ARSF: variants seen among roughly 807,000 people sequenced by gnomAD.
ARSF encodes the protein arylsulfatase F.
In ARSF, 33 loss-of-function variants were observed where a neutral mutation model predicts 35.4. That is an observed-to-expected ratio of 0.93 (90% CI 0.71 to 1.25). The LOEUF is 1.25. Among genes scored for constraint, ARSF ranks in the 50% most tolerant of loss-of-function variants. ARSF has a pLI of 0.00. For synonymous variants in ARSF, 222 were observed against 193.1 expected, an observed-to-expected ratio of 1.15 and a Z score of -1.24; for missense variants, 501 against 480.2, an observed-to-expected ratio of 1.04 and a Z score of -0.40.
At chrX:3,093,221 C>G (rs1033989502) in intron 7 of ARSF, among the ~76,000 whole-genome samples, 7 of 112,468 alleles carry the variant, frequency 6.2e-5, no homozygotes, top group Admixed American at 9.4e-5. Context: ...ATAATGGAGT[C>G]TACTGATAGA....
Position 3,084,672 on chromosome X carries a change from C to T in ARSF, c.830+6C>T, listed in dbSNP as rs764706476. On this transcript the variant is annotated splice_donor_region_variant and intron_variant, in intron 6 of 10. Coordinates refer to ENST00000381127, the MANE Select transcript of ARSF (RefSeq NM_001201539.2). ...GCGATTTCCTTTTTAGAAAGGTAAG[C>T]GGAATAATTACAAATTCATGTAATA... 8.7e-6 allele frequency: 10 copies of T among 1,148,226 alleles called. No individual in the cohort carries two copies. In the South Asian group the frequency reaches 1.1e-4, roughly 12 times the overall value. 94.6% of individuals were successfully genotyped at this position (1,148,226 alleles called of 1,213,427 possible). A position where few individuals can be genotyped will look rare whatever the true frequency, so the allele number is the denominator to read the frequency against.
At chrX:3,040,274 G>A (rs754976463), upstream of ARSF, among the ~76,000 whole-genome samples, 4 of 111,406 alleles carry the variant, frequency 3.6e-5, no homozygotes, top group African/African-American at 6.5e-5. Context: ...GCCCGAACCC[G>A]GAGCTAAGTT....
intron 1 of ARSF, among the ~76,000 whole-genome samples, chrX:3,063,589 T>C (rs1464951928): frequency 1.2e-4 from 13 of 112,015 alleles, no homozygotes; most frequent in African/African-American, 4.2e-4. Flanking sequence ...CTTAAGCTGA[T>C]AAGCAACTTC....
At chrX:3,045,192 G>C (rs2089969666) in intron 1 of ARSF, among the ~76,000 whole-genome samples, 1 of 111,606 alleles carries the variant, frequency 9.0e-6, no homozygotes, top group African/African-American at 3.3e-5. Context: ...TTGACTTTTG[G>C]GTGGCCACGT....
At position 3,076,563 on chromosome X, in the gene ARSF, C is replaced by T. The variant is rs993995696; in HGVS notation, c.177C>T (p.Asp59=). 2.5e-6 allele frequency: 3 copies of T among 1,204,550 alleles called. No homozygotes were observed. Among genetic ancestry groups the T allele is most frequent in the Non-Finnish European group, 3.4e-6 (3 of 893,074 alleles). ...GNDTMRTPHI[D]RLAREGVRLT... The stretch of plus-strand genomic sequence containing the variant: ...CCCCCTTCAGGACGCCTCACATCGA[C>T]CGCCTTGCCAGGGAAGGCGTGCGAC... Residue 59 remains aspartate, a synonymous_variant, in exon 4 of 11, where the codon GAC becomes GAT. Transcript: ENST00000381127.
At chrX:3,099,098 G>A (rs113111697) in intron 7 of ARSF, among the ~76,000 whole-genome samples, 59 of 110,557 alleles carry the variant, frequency 5.3e-4, no homozygotes, top group Middle Eastern at 4.7e-3. Context: ...TTATGCTTCT[G>A]AATATTTGGG....
rs2090415682 is a variant in ARSF, at chrX:3,107,065, T to C, written c.1266-3063T>C. 4.5e-5 allele frequency among the ~76,000 whole-genome samples: 5 copies of C among 112,054 alleles called. No individual in the cohort carries two copies. In the South Asian group the frequency reaches 1.8e-3, roughly 41 times the overall value. On this transcript the variant is annotated intron_variant, in intron 9 of 10. Coordinates refer to ENST00000381127, the MANE Select transcript of ARSF (RefSeq NM_001201539.2). ...TAATACAATGTATGTAAATGCCACA[T>C]AAAATAGTTGTTATATTGTACCCTT...
intron 1 of ARSF, among the ~76,000 whole-genome samples, chrX:3,061,714 C>G (rs997123112): frequency 9.0e-6 from 1 of 111,602 alleles, no homozygotes; most frequent in Non-Finnish European, 1.9e-5. Context: ...AAGGCCGTTA[C>G]ATAATGGTAA....
chrX:3,099,635 GT>G (rs2090362349), intron 7 of ARSF, among the ~76,000 whole-genome samples: 1 of 111,401 alleles, frequency 9.0e-6, no homozygotes, highest in Non-Finnish European at 1.9e-5. Flanking sequence ...ATTAAATGGT[GT>G]CTTCCAGTTT....
chrX:3,090,740 C>T (rs934443567), intron 7 of ARSF, among the ~76,000 whole-genome samples: 9 of 111,831 alleles, frequency 8.0e-5, no homozygotes, highest in Non-Finnish European at 1.3e-4. Context: ...TGTCCACCAC[C>T]GGCATCTATG....
chrX:3,047,453 T>A (rs1469212370), intron 1 of ARSF, among the ~76,000 whole-genome samples: 1 of 99,608 alleles, frequency 1.0e-5, no homozygotes, highest in African/African-American at 3.7e-5. Flanking sequence ...GTGCTGGGAT[T>A]ACAGGCGTGA....
chrX:3,074,327 AAAT>A (rs2090131135), intron 3 of ARSF, among the ~76,000 whole-genome samples: 1 of 111,431 alleles, frequency 9.0e-6, no homozygotes, highest in South Asian at 3.8e-4. Context: ...TTTGCAAAAT[AAAT>A]AATGTTTTAA....
At chrX:3,105,472 A>G (rs2090405519) in intron 9 of ARSF, among the ~76,000 whole-genome samples, 1 of 111,724 alleles carries the variant, frequency 9.0e-6, no homozygotes, top group Non-Finnish European at 1.9e-5. Context: ...ATTTTTATTT[A>G]TTTTATTTTT....
intron 1 of ARSF, among the ~76,000 whole-genome samples, chrX:3,050,610 C>A (rs958895169): frequency 9.1e-6 from 1 of 109,585 alleles, no homozygotes; most frequent in African/African-American, 3.3e-5. Flanking sequence ...TGGAAGATGG[C>A]CAAGTAGCTG....
At chrX:3,111,238 A>G (rs1233295766) in intron 10 of ARSF, among the ~76,000 whole-genome samples, 1 of 111,465 alleles carries the variant, frequency 9.0e-6, no homozygotes, top group East Asian at 2.8e-4. Flanking sequence ...TTCATTTATA[A>G]AAATCAATTC....
At chrX:3,067,511 C>T (rs1227412678) in intron 1 of ARSF, among the ~76,000 whole-genome samples, 1 of 111,192 alleles carries the variant, frequency 9.0e-6, no homozygotes, top group African/African-American at 3.3e-5. Context: ...CTTGGCAGGA[C>T]ATTGAGACAA....
intron 1 of ARSF, among the ~76,000 whole-genome samples, chrX:3,065,270 C>T (rs1189345987): frequency 2.2e-5 from 2 of 92,925 alleles, no homozygotes. Context: ...GGACATCACA[C>T]ACCGGGCCTG....
At chrX:3,063,404 A>T (rs770793550) in intron 1 of ARSF, among the ~76,000 whole-genome samples, 3 of 111,875 alleles carry the variant, frequency 2.7e-5, no homozygotes, top group Admixed American at 9.6e-5. Context: ...CAAGACAGGG[A>T]TGCTCTCTTT....
chrX:3,069,748 C>CT (rs1256608549), intron 2 of ARSF, among the ~76,000 whole-genome samples: 1 of 95,415 alleles, frequency 1.0e-5, no homozygotes, highest in Non-Finnish European at 2.2e-5. Context: ...ATTTCTTTTT[C>CT]TTTTTTTATT....
Sources: allele counts gnomAD v4.1 joint callset (sites outside exome capture counted in the v4.1 genomes callset), GRCh38; gene constraint gnomAD v4.1.1; transcripts MANE v1.5; gene names NCBI Gene and HGNC (gene_info 2026-07-23, HGNC 2026-07-21).